Variants in UNC79 observed in about 807,000 individuals in gnomAD.
UNC79 encodes the protein unc-79 subunit of NALCN channel complex, also known as protein unc-79 homolog.
UNC79 carries 37 observed loss-of-function variants against 283.1 expected under a neutral mutation model. The ratio of observed to expected loss-of-function variants is 0.13; its 90% CI spans 0.10 to 0.17. The LOEUF is 0.17. UNC79 is among the 10% of genes least tolerant of loss of function. The pLI, the probability that UNC79 is intolerant of heterozygous loss-of-function variation, is 1.00. For synonymous variants in UNC79, 1,107 were observed against 1,200.2 expected (o/e 0.92, Z 1.61); for missense variants, 2,272 against 3,211.1 (o/e 0.71, Z 7.07).
intron 1 of UNC79, among the ~76,000 whole-genome samples, chr14:93,443,380 A>G: frequency 6.7e-6 from 1 of 149,910 alleles, no homozygotes; most frequent in East Asian, 1.9e-4. Context: ...ATAGAATTTC[A>G]TGTAAATGGA....
Position 93,339,632 on chromosome 14 carries a change from T to C in UNC79, c.-351+6109T>C, listed in dbSNP as rs569490160. Among the ~76,000 whole-genome samples the C allele has an allele frequency of 4.6e-5, 7 of 152,224 alleles. No individual in the cohort carries two copies. The East Asian group carries it at 1.3e-3, about 29-fold the overall frequency. On this transcript the variant is annotated intron_variant, in intron 1 of 49. Coordinates refer to the UNC79 transcript ENST00000256339. ...CATTTTAACAGATACTGTCTTTCTG[T>C]TACTCGTGGTCAGCACCTGGCATTT... is the stretch of plus-strand genomic sequence containing the variant.
intron 27 of UNC79, among the ~76,000 whole-genome samples, chr14:93,614,675 A>T (rs190647703): frequency 6.6e-6 from 1 of 150,580 alleles, no homozygotes; most frequent in Non-Finnish European, 1.5e-5. Context: ...TTTTGGCTTC[A>T]GGTGGAGAGA....
intron 23 of UNC79, among the ~76,000 whole-genome samples, chr14:93,594,694 CAGAGTAATGTGGT>C (rs1184397588): frequency 6.6e-6 from 1 of 152,090 alleles, no homozygotes; most frequent in Non-Finnish European, 1.5e-5. Context: ...AGCAGGTTCT[CAGAGTAATGTGGT>C]AAGGAAGGAA....
At chr14:93,485,554 T>G (rs921275163) in intron 4 of UNC79, among the ~76,000 whole-genome samples, 5 of 152,144 alleles carry the variant, frequency 3.3e-5, no homozygotes, top group African/African-American at 4.8e-5. Flanking sequence ...ACAAGCTGCT[T>G]GGCTACAGTT....
chr14:93,600,857 A>G, intron 25 of UNC79, 87 bp downstream of exon 25: 4 of 1,457,286 alleles, frequency 2.7e-6, no homozygotes, highest in Non-Finnish European at 3.7e-6. Flanking sequence ...ATGTCGTTTA[A>G]TTCCTCTACA....
chr14:93,535,092 G>T (rs1048541949), intron 11 of UNC79, among the ~76,000 whole-genome samples: 3 of 152,192 alleles, frequency 2.0e-5, no homozygotes, highest in Non-Finnish European at 4.4e-5. Context: ...CTGTGATTTT[G>T]TGAGACCACT....
intron 11 of UNC79, among the ~76,000 whole-genome samples, chr14:93,534,053 T>C (rs2060949911): frequency 6.6e-6 from 1 of 152,202 alleles, no homozygotes; most frequent in Admixed American, 6.5e-5. Context: ...AGACACAATG[T>C]TGAGACAGGG....
intron 1 of UNC79, among the ~76,000 whole-genome samples, chr14:93,361,435 C>T (rs2054224560): frequency 6.6e-6 from 1 of 150,458 alleles, no homozygotes; most frequent in Non-Finnish European, 1.5e-5. Context: ...TGCTTGAGCC[C>T]AGGACATTAA....
At chr14:93,569,537 A>T (rs1327139275) in intron 14 of UNC79, among the ~76,000 whole-genome samples, 1 of 152,262 alleles carries the variant, frequency 6.6e-6, no homozygotes, top group Non-Finnish European at 1.5e-5. Context: ...GAGAGGAATT[A>T]TGCAGACTTT....
At chr14:93,579,393 A>C (rs749520826) in intron 18 of UNC79, among the ~76,000 whole-genome samples, 1 of 152,240 alleles carries the variant, frequency 6.6e-6, no homozygotes, top group Non-Finnish European at 1.5e-5. Context: ...AATTATTACT[A>C]TCATGACAGT....
At chr14:93,501,950 T>C (rs574179731) in intron 7 of UNC79, among the ~76,000 whole-genome samples, 1 of 152,216 alleles carries the variant, frequency 6.6e-6, no homozygotes, top group Non-Finnish European at 1.5e-5. Flanking sequence ...TAACTTCACA[T>C]ATATGTGTAG....
In UNC79 at chr14:93,442,371, C is replaced by T. The variant is rs566008725; in HGVS notation, c.22+11320C>T. Among the ~76,000 whole-genome samples, 416 of 152,034 alleles carry T rather than the reference C, an allele frequency of 2.7e-3. 1 individual carries two copies. The highest frequency in any genetic ancestry group is 9.3e-3 in the African/African-American group (384 of 41,498). ...TTCTGTAGGATCATTTTCTACTGTA[C>T]GTTTTAAAAATCTCTTCCTTTATTT... On this transcript the variant is annotated intron_variant, in intron 1 of 48. Transcript: ENST00000555664.
intron 14 of UNC79, among the ~76,000 whole-genome samples, chr14:93,563,625 C>T (rs1421595358): frequency 6.6e-6 from 1 of 152,136 alleles, no homozygotes; most frequent in East Asian, 1.9e-4. Flanking sequence ...GCATAGCCTG[C>T]TTTTGCTGGT....
chr14:93,437,544 T>G (rs2140118054), intron 1 of UNC79: 1 of 152,346 alleles, frequency 6.6e-6, no homozygotes, highest in East Asian at 1.9e-4. Flanking sequence ...TAACGCTGTA[T>G]TAGTTTTCTA....
chr14:93,526,452 C>A (rs957167035), intron 8 of UNC79, among the ~76,000 whole-genome samples: 2 of 152,128 alleles, frequency 1.3e-5, no homozygotes, highest in African/African-American at 4.8e-5. Context: ...TAATACTTAT[C>A]ATGGTGAAAA....
chr14:93,607,574 T>G (rs989988618), intron 26 of UNC79, among the ~76,000 whole-genome samples: 24 of 152,324 alleles, frequency 1.6e-4, no homozygotes, highest in African/African-American at 5.1e-4. Context: ...GTTATGGAGT[T>G]GGCCTGGGCT....
intron 1 of UNC79, among the ~76,000 whole-genome samples, chr14:93,404,493 A>AAAAAAAAAAAAAAATATCTATATATATAT: frequency 1.6e-5 from 1 of 61,512 alleles, no homozygotes; most frequent in Non-Finnish European, 3.2e-5. Flanking sequence ...TTCTAAAAAA[A>AAAAAAAAAAAAAAATATCTATATATATAT]ATATATATAT....
At chr14:93,677,797 G>A (rs8018349) in intron 41 of UNC79, among the ~76,000 whole-genome samples, 3,942 of 152,128 alleles carry the variant, frequency 0.026, 69 homozygotes, top group South Asian at 0.062. Flanking sequence ...CTACAGGCAC[G>A]CACCACCACA....
chr14:93,618,449 C>A, intron 29 of UNC79, 95 bp downstream of exon 30: 1 of 1,234,448 alleles, frequency 8.1e-7, no homozygotes, highest in Non-Finnish European at 1.0e-6. Flanking sequence ...TCCCAGATAT[C>A]ATTCTGGAGT....
Sources: allele counts gnomAD v4.1 joint callset (sites outside exome capture counted in the v4.1 genomes callset), GRCh38; gene constraint gnomAD v4.1.1; transcripts MANE v1.5; gene names NCBI Gene and HGNC (gene_info 2026-07-23, HGNC 2026-07-21).